Variants in SGK1 observed in about 807,000 individuals in gnomAD.
The protein encoded by SGK1 is serine/threonine-protein kinase Sgk1.
Under a neutral mutation model 64.2 loss-of-function variants are expected in SGK1, and 26 were observed. That is an observed-to-expected ratio of 0.40 (90% CI 0.30 to 0.56). The LOEUF (loss-of-function observed/expected upper bound fraction) is 0.56, where lower values mean the gene tolerates loss of function less well. SGK1 is among the 20% of genes least tolerant of loss of function. The probability of loss-of-function intolerance (pLI) is 0.38; values close to 1 mark genes in which losing one functional copy is unlikely to be tolerated. For missense variants in SGK1, 519 were observed against 645.6 expected (o/e 0.80, Z 2.12); for synonymous variants, 265 against 239.7 (o/e 1.11, Z -0.98).
intron 2 of SGK1, among the ~76,000 whole-genome samples, chr6:134,244,719 T>C (rs750772043): frequency 6.6e-6 from 1 of 152,246 alleles, no homozygotes; most frequent in Non-Finnish European, 1.5e-5. Context: ...GCCTTCTGCA[T>C]TGGTCTTGCT....
At chr6:134,266,570 C>A (rs1302219341) in intron 1 of SGK1, among the ~76,000 whole-genome samples, 1 of 152,060 alleles carries the variant, frequency 6.6e-6, no homozygotes, top group Non-Finnish European at 1.5e-5. Context: ...AGCCTGAGAT[C>A]ATGGCACTGC....
At chr6:134,215,553 A>G (rs1226184173) in intron 2 of SGK1, among the ~76,000 whole-genome samples, 1 of 152,114 alleles carries the variant, frequency 6.6e-6, no homozygotes, top group Non-Finnish European at 1.5e-5. Context: ...CTCTGTCTCC[A>G]TTCTAGTTCA....
intron 2 of SGK1, among the ~76,000 whole-genome samples, chr6:134,234,360 G>C (rs1418829466): frequency 1.3e-5 from 2 of 152,164 alleles, no homozygotes; most frequent in Non-Finnish European, 2.9e-5. Context: ...CCAAGATCGT[G>C]CCACTGCACT....
chr6:134,193,525 C>G (rs544054662), intron 3 of SGK1, among the ~76,000 whole-genome samples: 213 of 151,924 alleles, frequency 1.4e-3, no homozygotes, highest in African/African-American at 5.0e-3. Flanking sequence ...TGTTTTTTTT[C>G]TAGCCCCACT....
chr6:134,317,028 G>A (rs376365441), intron 1 of SGK1, among the ~76,000 whole-genome samples: 14 of 152,256 alleles, frequency 9.2e-5, no homozygotes, highest in African/African-American at 3.4e-4. Flanking sequence ...AAGATGAGAG[G>A]AAGCTGCTAA....
chr6:134,179,056 C>T (rs549550108), intron 3 of SGK1, among the ~76,000 whole-genome samples: 1 of 152,166 alleles, frequency 6.6e-6, no homozygotes, highest in East Asian at 1.9e-4. Context: ...GAGAGCTTCA[C>T]AAAGATATGA....
At chr6:134,171,317 C>T in intron 11 of SGK1, 139 bp from the exon 12 acceptor site, 1 of 832,262 alleles carries the variant, frequency 1.2e-6, no homozygotes, top group East Asian at 2.5e-5. Flanking sequence ...CTTTCTTTTC[C>T]CTTGCTATTT....
chr6:134,265,795 GTA>G (rs113465609), intron 1 of SGK1, among the ~76,000 whole-genome samples: 12 of 148,096 alleles, frequency 8.1e-5, no homozygotes, highest in South Asian at 2.1e-4. Flanking sequence ...AATCATAAAT[GTA>G]TATATATATA....
intron 2 of SGK1, among the ~76,000 whole-genome samples, chr6:134,211,774 C>T (rs970380370): frequency 4.0e-5 from 6 of 151,248 alleles, no homozygotes; most frequent in South Asian, 2.1e-4. Context: ...TGTAAAATAT[C>T]CCTCCTACTG....
At chr6:134,227,723 T>G (rs990133103) in intron 2 of SGK1, among the ~76,000 whole-genome samples, 1 of 152,192 alleles carries the variant, frequency 6.6e-6, no homozygotes, top group Non-Finnish European at 1.5e-5. Flanking sequence ...CTGAAATAAC[T>G]GGGAAAAGTA....
intron 2 of SGK1, among the ~76,000 whole-genome samples, chr6:134,208,888 A>G (rs1582712351): frequency 1.9e-5 from 1 of 51,992 alleles, no homozygotes; most frequent in Non-Finnish European, 4.8e-5. Flanking sequence ...ACATACATGT[A>G]TGTGTGTGTA....
rs1043261174 is a variant in SGK1 at position 134,175,451 on chromosome 6, G to A, written c.362-865C>T. 2.1e-5 allele frequency: 28 copies of A among 1,311,222 alleles called. 1 individual carries two copies. In the African/African-American group the frequency reaches 4.2e-4, roughly 20 times the overall value. The allele number at this position is 1,311,222 out of a possible 1,614,324, so 81.2% of individuals were successfully genotyped here. On this transcript the variant is annotated intron_variant, in intron 3 of 13. Coordinates refer to ENST00000367858, the MANE Select transcript of SGK1 (RefSeq NM_001143676.3). The stretch of plus-strand genomic sequence containing the variant: ...CTCCCGTTCCCGCCGCCGGGACCCC[G>A]GCCCCGAGAACTCCGACGAAAGCCG...
intron 1 of SGK1, among the ~76,000 whole-genome samples, chr6:134,275,327 G>T (rs1004924725): frequency 6.6e-6 from 1 of 152,190 alleles, no homozygotes; most frequent in South Asian, 2.1e-4. Context: ...GATTACAGGT[G>T]TGACCCACTG....
chr6:134,205,797 A>G (rs1397615322), intron 3 of SGK1, among the ~76,000 whole-genome samples: 5 of 152,240 alleles, frequency 3.3e-5, no homozygotes, highest in Non-Finnish European at 2.9e-5. Context: ...AGCGTGAGGC[A>G]TAATACAAAT....
At chr6:134,291,357 G>T (rs570519793) in intron 1 of SGK1, among the ~76,000 whole-genome samples, 1 of 152,214 alleles carries the variant, frequency 6.6e-6, no homozygotes, top group Non-Finnish European at 1.5e-5. Context: ...AATCAAAATG[G>T]AGTCACCTAT....
intron 1 of SGK1, among the ~76,000 whole-genome samples, chr6:134,278,786 T>C (rs982545274): frequency 6.6e-6 from 1 of 151,968 alleles, no homozygotes; most frequent in African/African-American, 2.4e-5. Context: ...GAGAATAAAT[T>C]GGAAATGTTC....
chr6:134,249,114 A>T (rs1426981666), intron 2 of SGK1, among the ~76,000 whole-genome samples: 1 of 152,176 alleles, frequency 6.6e-6, no homozygotes, highest in Non-Finnish European at 1.5e-5. Context: ...TATTGTACGA[A>T]ATCTCAAGCA....
intron 2 of SGK1, among the ~76,000 whole-genome samples, chr6:134,213,249 T>TG (rs1039561053): frequency 1.6e-4 from 25 of 152,120 alleles, no homozygotes; most frequent in Non-Finnish European, 2.9e-4. Flanking sequence ...TGGCCGGGTA[T>TG]GGGGGGTCAC....
Position 134,205,122 on chromosome 6 carries a change from G to A in SGK1, c.361+2234C>T. ...AAGCACCATTTTCTAGACCTGTCCT[G>A]TACAGATTTCCCTCCCTTTCCATTT... On this transcript the variant is annotated intron_variant, in intron 3 of 13. Coordinates refer to ENST00000367858, the MANE Select transcript of SGK1 (RefSeq NM_001143676.3). Among the ~76,000 whole-genome samples the A allele has an allele frequency of 1.3e-5, 2 of 152,158 alleles. 1 individual carries two copies. Among genetic ancestry groups the A allele is most frequent in the East Asian group, 3.9e-4 (2 of 5,186 alleles).
Sources: allele counts gnomAD v4.1 joint callset (sites outside exome capture counted in the v4.1 genomes callset), GRCh38; gene constraint gnomAD v4.1.1; transcripts MANE v1.5; gene names NCBI Gene and HGNC (gene_info 2026-07-23, HGNC 2026-07-21).